Variants in CLEC16A observed in about 807,000 individuals in gnomAD.
CLEC16A encodes protein CLEC16A.
A neutral mutation model predicts 109.5 loss-of-function variants in CLEC16A; 51 were observed. The ratio of observed to expected loss-of-function variants is 0.47; its 90% CI spans 0.37 to 0.59. The LOEUF (loss-of-function observed/expected upper bound fraction) is 0.59. Among genes scored for constraint, CLEC16A ranks in the 20% least tolerant of loss-of-function variants. The pLI is 0.00. For synonymous variants in CLEC16A, 673 were observed against 564.2 expected, an observed-to-expected ratio of 1.19 and a Z score of -2.73; for missense variants, 1,339 against 1,394.0, an observed-to-expected ratio of 0.96 and a Z score of 0.63.
chr16:11,060,867 C>A, intron 18 of CLEC16A, 35 bp from the exon 19 acceptor site: 1 of 1,554,836 alleles, frequency 6.4e-7, no homozygotes, highest in Admixed American at 1.8e-5. Flanking sequence ...ACTCTGCAAT[C>A]TCACTCTTCT....
At chr16:11,029,277 A>C (rs907361197) in intron 13 of CLEC16A, among the ~76,000 whole-genome samples, 1 of 152,092 alleles carries the variant, frequency 6.6e-6, no homozygotes, top group Non-Finnish European at 1.5e-5. Context: ...CCCCAGTGTG[A>C]GCTCCAGGAA....
chr16:11,094,664 G>C (rs78362165), intron 19 of CLEC16A, among the ~76,000 whole-genome samples: 15 of 152,040 alleles, frequency 9.9e-5, no homozygotes, highest in African/African-American at 3.6e-4. Context: ...TTCCTGTGGG[G>C]CCCTGCATGC....
At chr16:11,032,681 G>A (rs2046812259) in intron 13 of CLEC16A, among the ~76,000 whole-genome samples, 1 of 152,228 alleles carries the variant, frequency 6.6e-6, no homozygotes, top group Admixed American at 6.5e-5. Flanking sequence ...AGGACCAGCA[G>A]AGCCACAGCC....
intron 19 of CLEC16A, among the ~76,000 whole-genome samples, chr16:11,092,361 A>AACACACACACACACACACACACACAC (rs3030566): frequency 1.4e-4 from 19 of 132,432 alleles, no homozygotes; most frequent in South Asian, 5.5e-4. Context: ...AACAAAAACA[A>AACACACACACACACACACACACACAC]ACACACACAC....
At chr16:11,021,617 T>C (rs938571059) in intron 12 of CLEC16A, among the ~76,000 whole-genome samples, 1 of 152,076 alleles carries the variant, frequency 6.6e-6, no homozygotes, top group African/African-American at 2.4e-5. Flanking sequence ...AGTCACATAG[T>C]GAGACCCCAT....
intron 19 of CLEC16A, among the ~76,000 whole-genome samples, chr16:11,073,978 C>T (rs758460464): frequency 1.3e-5 from 2 of 152,206 alleles, no homozygotes; most frequent in South Asian, 2.1e-4. Flanking sequence ...CATTAACATA[C>T]ATTTGAATAG....
chr16:11,042,059 G>C, intron 14 of CLEC16A, 195 bp from the exon 15 acceptor site: 1 of 564,260 alleles, frequency 1.8e-6, no homozygotes. Context: ...TAGTTTTGAT[G>C]GAGAACATTG....
chr16:11,129,979 G>A (rs1312763379), intron 22 of CLEC16A, among the ~76,000 whole-genome samples: 1 of 152,070 alleles, frequency 6.6e-6, no homozygotes, highest in African/African-American at 2.4e-5. Context: ...AGCCAGGATG[G>A]TCTCGATCTC....
At chr16:11,067,530 T>A (rs1597271111) in intron 19 of CLEC16A, among the ~76,000 whole-genome samples, 1 of 150,728 alleles carries the variant, frequency 6.6e-6, no homozygotes, top group South Asian at 2.1e-4. Flanking sequence ...AGTGGGAGGG[T>A]GAAGGTGGTT....
chr16:11,160,327 C>A (rs1021800398), intron 22 of CLEC16A, among the ~76,000 whole-genome samples: 1 of 152,140 alleles, frequency 6.6e-6, no homozygotes, highest in Admixed American at 6.5e-5. Context: ...TAGTCTCTCT[C>A]GGGCCTCGCT....
At chr16:11,112,612 C>T (rs746868312) in intron 19 of CLEC16A, among the ~76,000 whole-genome samples, 2 of 152,024 alleles carry the variant, frequency 1.3e-5, no homozygotes, top group African/African-American at 2.4e-5. Context: ...CTGCGGTAAG[C>T]AATGATTGCA....
At chr16:11,037,121 C>T (rs1431247039) in intron 13 of CLEC16A, among the ~76,000 whole-genome samples, 1 of 152,140 alleles carries the variant, frequency 6.6e-6, no homozygotes, top group African/African-American at 2.4e-5. Flanking sequence ...CCTCCCGCAC[C>T]CCACCGCTAG....
At position 11,042,024 on chromosome 16, in the gene CLEC16A, A is replaced by T. The variant is rs2047363372; in HGVS notation, c.1661-230A>T. 1.8e-5 allele frequency: 9 copies of T among 505,896 alleles called. No individual in the cohort carries two copies. The South Asian group carries it at 2.4e-4, about 14-fold the overall frequency. 31.3% of individuals were successfully genotyped at this position (505,896 alleles called of 1,614,324 possible). On this transcript the variant is annotated intron_variant, in intron 14 of 23. Coordinates refer to ENST00000409790, the MANE Select transcript of CLEC16A (RefSeq NM_015226.3). ...TTTCCTGCACCCTGTCAGTAAAGGG[A>T]CTTCAGGGAAGTATTTGGTATAGGT...
chr16:11,146,077 C>T (rs1012581702), intron 22 of CLEC16A, among the ~76,000 whole-genome samples: 2 of 152,156 alleles, frequency 1.3e-5, no homozygotes, highest in South Asian at 2.1e-4. Context: ...TTGGAGAAGT[C>T]GCCCTGGGTA....
intron 3 of CLEC16A, among the ~76,000 whole-genome samples, chr16:10,966,395 T>C (rs760582875): frequency 3.3e-5 from 5 of 152,050 alleles, no homozygotes; most frequent in Admixed American, 2.6e-4. Flanking sequence ...AAGGGTTGCA[T>C]TGGGGTAGCG....
intron 19 of CLEC16A, among the ~76,000 whole-genome samples, chr16:11,116,033 T>C (rs1014393617): frequency 2.0e-5 from 3 of 151,974 alleles, no homozygotes; most frequent in African/African-American, 4.8e-5. Flanking sequence ...TTTTAAAAAA[T>C]ATTTTCAAAT....
At chr16:11,145,479 T>C (rs2054013338) in intron 22 of CLEC16A, among the ~76,000 whole-genome samples, 1 of 152,264 alleles carries the variant, frequency 6.6e-6, no homozygotes. Context: ...GATGCAGTCA[T>C]GACAAGGACC....
chr16:11,161,674 CG>C (rs2054726118), intron 22 of CLEC16A, among the ~76,000 whole-genome samples: 1 of 152,254 alleles, frequency 6.6e-6, no homozygotes, highest in Non-Finnish European at 1.5e-5. Context: ...AACGCCCACA[CG>C]GCCAGGCAAG....
intron 11 of CLEC16A, among the ~76,000 whole-genome samples, chr16:11,006,607 A>G (rs2045031768): frequency 6.6e-6 from 1 of 152,196 alleles, no homozygotes; most frequent in African/African-American, 2.4e-5. Flanking sequence ...TGAAATTTTG[A>G]CTTTAAAAGA....
Sources: gnomAD v4.1 joint callset for allele counts (sites outside exome capture counted in the v4.1 genomes callset) on GRCh38, gnomAD v4.1.1 for gene constraint, MANE v1.5 for transcripts, NCBI Gene and HGNC (gene_info 2026-07-23, HGNC 2026-07-21) for gene names.